TRIM59: variants seen among roughly 807,000 people sequenced by gnomAD.
TRIM59 encodes tripartite motif-containing protein 59.
Under a neutral mutation model 32.2 loss-of-function variants are expected in TRIM59, and 14 were observed. That is an observed-to-expected ratio of 0.43 (90% CI 0.29 to 0.68). TRIM59 has a LOEUF of 0.68. Among genes scored for constraint, TRIM59 ranks in the 30% least tolerant of loss-of-function variants. The pLI is 0.15. For synonymous variants in TRIM59, 163 were observed against 155.1 expected, an observed-to-expected ratio of 1.05 and a Z score of -0.38; for missense variants, 471 against 463.3, an observed-to-expected ratio of 1.02 and a Z score of -0.15.
intron 2 of TRIM59, among the ~76,000 whole-genome samples, chr3:160,441,143 A>C (rs1256111604): frequency 6.6e-6 from 1 of 152,176 alleles, no homozygotes; most frequent in Non-Finnish European, 1.5e-5. Context: ...GTCCCCTGTT[A>C]TTCTCATTAA....
At chr3:160,442,912 G>A (rs1316203226) in intron 2 of TRIM59, among the ~76,000 whole-genome samples, 2 of 152,170 alleles carry the variant, frequency 1.3e-5, no homozygotes, top group Non-Finnish European at 2.9e-5. Flanking sequence ...GAAGCCAGGA[G>A]TTCAAGACCA....
Position 160,438,597 on chromosome 3 carries a change from A to G in TRIM59, c.587T>C (p.Leu196Ser), listed in dbSNP as rs202156882. 3 of 1,611,650 alleles carry G rather than the reference A, an allele frequency of 1.9e-6. No homozygotes were observed. The highest frequency in any genetic ancestry group is 2.5e-6 in the Non-Finnish European group (3 of 1,179,480). ...LQYFKELNDT[L>S]EQKKKSFLTA... ...TAGGAAACTTTTTTTTTTCTGTTCT[A>G]ATGTATCATTAAGCTCCTTAAAATA... Residue 196 changes from leucine (L) to serine (S), a missense_variant, in exon 3 of 3, where the codon TTA (leucine) becomes TCA (serine). Coordinates refer to ENST00000309784, the MANE Select transcript of TRIM59 (RefSeq NM_173084.3).
chr3:160,440,076 T>C (rs1719163849), intron 2 of TRIM59, among the ~76,000 whole-genome samples: 1 of 152,230 alleles, frequency 6.6e-6, no homozygotes, highest in South Asian at 2.1e-4. Context: ...TTCTCCACAG[T>C]AACTGTTACT....
Position 160,437,733 on chromosome 3 carries a change from TA to T in TRIM59, c.*238del, listed in dbSNP as rs1361221548. 10 of 1,152,410 alleles carry T rather than the reference TA, an allele frequency of 8.7e-6. No homozygotes were observed. In the African/African-American group the frequency reaches 1.4e-4, roughly 17 times the overall value. 71.4% of individuals were successfully genotyped at this position (1,152,410 alleles called of 1,614,324 possible). A position where few individuals can be genotyped will look rare whatever the true frequency, so the allele number is the denominator to read the frequency against. The stretch of plus-strand genomic sequence containing the variant: ...ATTATGTCAACCATCATAAAGCCAA[TA>T]AAAATGGGATAGTGTATTACTTTTC... On this transcript the variant is annotated 3_prime_UTR_variant, in exon 3 of 3. Transcript: ENST00000309784.
rs1180821970 is a variant in TRIM59 at position 160,448,809 on chromosome 3, A to C, written c.-73-14T>G. On this transcript the variant is annotated splice_polypyrimidine_tract_variant and intron_variant, in intron 1 of 2. Coordinates refer to ENST00000309784, the MANE Select transcript of TRIM59 (RefSeq NM_173084.3). ...TTTATTCTTATTCTAAAATTAAAAT[A>C]ATGTTATCTTTAATGTTTTCAATTT... 2.5e-6 allele frequency: 3 copies of C among 1,197,856 alleles called. No homozygotes were observed. In the South Asian group the frequency reaches 4.1e-5, roughly 16 times the overall value. 74.2% of individuals were successfully genotyped at this position (1,197,856 alleles called of 1,614,324 possible). A position where few individuals can be genotyped will look rare whatever the true frequency, so the allele number is the denominator to read the frequency against.
intron 2 of TRIM59, among the ~76,000 whole-genome samples, chr3:160,441,683 G>C (rs1189199835): frequency 1.3e-5 from 2 of 150,694 alleles, no homozygotes; most frequent in African/African-American, 4.9e-5. Flanking sequence ...CAACCCGGGA[G>C]GCAGAGCTTG....
rs917553077 is a variant in TRIM59, at chr3:160,448,769, A to T, written c.-47T>A. The stretch of plus-strand genomic sequence containing the variant: ...TGGGGGCTGAATACACTCTTCTCCA[A>T]CTCCTCCAGAATCTTTTATTCTTAT... On this transcript the variant is annotated 5_prime_UTR_variant, in exon 2 of 3. The change creates a new upstream start codon in the 5' untranslated region. Transcript: ENST00000309784. 7.8e-7 allele frequency: 1 copy of T among 1,276,512 alleles called. No homozygotes were observed. Among genetic ancestry groups the T allele is most frequent in the Admixed American group, 2.4e-5 (1 of 41,920 alleles). The allele number at this position is 1,276,512 out of a possible 1,614,324, so 79.1% of individuals were successfully genotyped here.
chr3:160,436,008 G>C lies in TRIM59; in HGVS notation c.*1964C>G. On this transcript the variant is annotated 3_prime_UTR_variant, in exon 3 of 3. Coordinates refer to ENST00000309784, the MANE Select transcript of TRIM59 (RefSeq NM_173084.3). ...TTTGAAACTACAGGGCACTTTTATG[G>C]TGTGACTAGTATTTTAAGTAATCAG... is the stretch of plus-strand genomic sequence containing the variant. The C allele has an allele frequency of 8.1e-7, 1 of 1,239,148 alleles. No individual in the cohort carries two copies. Among genetic ancestry groups the C allele is most frequent in the Non-Finnish European group, 1.0e-6 (1 of 966,668 alleles). 76.8% of individuals were successfully genotyped at this position (1,239,148 alleles called of 1,614,324 possible). A position where few individuals can be genotyped will look rare whatever the true frequency, so the allele number is the denominator to read the frequency against.
rs752072324 is a variant in TRIM59 at position 160,448,747 on chromosome 3, G to A, written c.-25C>T. 193 of 1,279,682 alleles carry A rather than the reference G, an allele frequency of 1.5e-4. No individual in the cohort carries two copies. The highest frequency in any genetic ancestry group is 1.7e-4 in the Non-Finnish European group (167 of 984,368). 79.3% of individuals were successfully genotyped at this position (1,279,682 alleles called of 1,614,324 possible). A position where few individuals can be genotyped will look rare whatever the true frequency, so the allele number is the denominator to read the frequency against. On this transcript the variant is annotated 5_prime_UTR_variant, in exon 2 of 3. Transcript: ENST00000309784. ...CTACTTTGTTGATCTCGTGGTTTGG[G>A]GGCTGAATACACTCTTCTCCAACTC...
At position 160,436,892 on chromosome 3, in the gene TRIM59, T is replaced by C. The variant is rs114692699; in HGVS notation, c.*1080A>G. 21,122 of 983,608 alleles carry C rather than the reference T, an allele frequency of 0.021. 248 individuals are homozygous for C. The highest frequency in any genetic ancestry group is 0.024 in the Middle Eastern group (46 of 1,916). The allele number at this position is 983,608 out of a possible 1,614,324, so 60.9% of individuals were successfully genotyped here. Reference sequence around the variant, plus strand: ...GGTAGAAAATTTAAATGAGTTAAGATGAATAAAGTCCACATGATGCCATCA... The same window carrying C: ...GGTAGAAAATTTAAATGAGTTAAGACGAATAAAGTCCACATGATGCCATCA... On this transcript the variant is annotated 3_prime_UTR_variant, in exon 3 of 3. Coordinates refer to ENST00000309784, the MANE Select transcript of TRIM59 (RefSeq NM_173084.3).
Position 160,436,204 on chromosome 3 carries a change from G to T in TRIM59, c.*1768C>A. The T allele has an allele frequency of 1.0e-6, 1 of 998,494 alleles. No homozygotes were observed. Among genetic ancestry groups the T allele is most frequent in the Non-Finnish European group, 1.2e-6 (1 of 837,718 alleles). 61.9% of individuals were successfully genotyped at this position (998,494 alleles called of 1,614,324 possible). ...TAGTGTTAAGACTTATTCTCAGCAGGTAAGAGTTTTAGAACTAGTTCCCTG... is the reference window on the plus strand; with the variant it reads ...TAGTGTTAAGACTTATTCTCAGCAGTTAAGAGTTTTAGAACTAGTTCCCTG... On this transcript the variant is annotated 3_prime_UTR_variant, in exon 3 of 3. Transcript: ENST00000309784.
rs1218970284 is a variant in TRIM59 at position 160,437,424 on chromosome 3, G to C, written c.*548C>G. 1 of 985,246 alleles carries C rather than the reference G, an allele frequency of 1.0e-6. No homozygotes were observed. The highest frequency in any genetic ancestry group is 1.7e-5 in the African/African-American group (1 of 57,214). 61.0% of individuals were successfully genotyped at this position (985,246 alleles called of 1,614,324 possible). A position where few individuals can be genotyped will look rare whatever the true frequency, so the allele number is the denominator to read the frequency against. Reference sequence around the variant, plus strand: ...AGCAATAGTTTTATTTGGAGTGAATGGTGATAAGCATTTAGGGCTCTTAAA... The same window carrying C: ...AGCAATAGTTTTATTTGGAGTGAATCGTGATAAGCATTTAGGGCTCTTAAA... On this transcript the variant is annotated 3_prime_UTR_variant, in exon 3 of 3. Coordinates refer to ENST00000309784, the MANE Select transcript of TRIM59 (RefSeq NM_173084.3).
In TRIM59 at chr3:160,438,788, A is replaced by T. The variant is rs1413316524; in HGVS notation, c.396T>A (p.Asp132Glu). 9 of 1,613,884 alleles carry T rather than the reference A, an allele frequency of 5.6e-6. No individual in the cohort carries two copies. Among genetic ancestry groups the T allele is most frequent in the East Asian group, 4.5e-5 (2 of 44,876 alleles). Residue 132 changes from aspartate to glutamate, a missense_variant, in exon 3 of 3, where the codon GAT becomes GAA. Transcript: ENST00000309784. Reference protein sequence around the residue: ...TIGQHHGHPIDDLQSAYLKEK... With the variant: ...TIGQHHGHPIEDLQSAYLKEK... ...CTTTCAAATAGGCACTTTGAAGGTC[A>T]TCTATAGGATGACCATGATGTTGAC...
Position 160,435,940 on chromosome 3 carries a change from G to A in TRIM59, c.*2032C>T. ...ATTCACATCACAGAAATGAGATTAA[G>A]TAGTTTAACACATAATGGCTAACAT... On this transcript the variant is annotated 3_prime_UTR_variant, in exon 3 of 3. Coordinates refer to ENST00000309784, the MANE Select transcript of TRIM59 (RefSeq NM_173084.3). The A allele has an allele frequency of 4.7e-6, 6 of 1,284,668 alleles. No homozygotes were observed. The highest frequency in any genetic ancestry group is 6.1e-6 in the Non-Finnish European group (6 of 986,510). 79.6% of individuals were successfully genotyped at this position (1,284,668 alleles called of 1,614,324 possible). A position where few individuals can be genotyped will look rare whatever the true frequency, so the allele number is the denominator to read the frequency against.
chr3:160,438,510 A>C lies in TRIM59; in HGVS notation c.674T>G (p.Met225Arg). ...NQEYTPQIER[M>R]KEIREQQLEL... ...AAGCTGCTGCTCTCGTATTTCCTTC[A>C]TTCTTTCAATTTGTGGAGTATATTC... Residue 225 changes from methionine (M) to arginine (R), a missense_variant, in exon 3 of 3, where the codon ATG (methionine) becomes AGG (arginine). By Grantham distance (91) the Met-to-Arg change is moderately conservative. Coordinates refer to ENST00000309784, the MANE Select transcript of TRIM59 (RefSeq NM_173084.3). 1 of 1,612,222 alleles carries C rather than the reference A, an allele frequency of 6.2e-7. No individual in the cohort carries two copies. Among genetic ancestry groups the C allele is most frequent in the Non-Finnish European group, 8.5e-7 (1 of 1,179,598 alleles).
At position 160,437,101 on chromosome 3, in the gene TRIM59, C is replaced by T. The variant is rs1341898360; in HGVS notation, c.*871G>A. The stretch of plus-strand genomic sequence containing the variant: ...ACAGTGTGGCTAACGTCTGTAATCC[C>T]AGCACTTTGGGAGGCCAAGGTGGGC... On this transcript the variant is annotated 3_prime_UTR_variant, in exon 3 of 3. Transcript: ENST00000309784. The T allele has an allele frequency of 1.6e-5, 16 of 981,522 alleles. No individual in the cohort carries two copies. The highest frequency in any genetic ancestry group is 1.8e-5 in the Non-Finnish European group (15 of 826,528). 60.8% of individuals were successfully genotyped at this position (981,522 alleles called of 1,614,324 possible).
chr3:160,448,007 G>A (rs1719621479), intron 2 of TRIM59, among the ~76,000 whole-genome samples: 1 of 152,032 alleles, frequency 6.6e-6, no homozygotes, highest in Admixed American at 6.6e-5. Context: ...TACAAAAATA[G>A]TGAGAGATCA....
chr3:160,446,468 TAATTC>T (rs1164458982), intron 2 of TRIM59, among the ~76,000 whole-genome samples: 21 of 152,132 alleles, frequency 1.4e-4, no homozygotes, highest in Non-Finnish European at 3.1e-4. Flanking sequence ...AATACAAAGT[TAATTC>T]AATAACGAAA....
Position 160,449,749 on chromosome 3 carries a change from G to A in TRIM59, c.-106C>T, listed in dbSNP as rs541187342. 1.7e-5 allele frequency: 22 copies of A among 1,288,002 alleles called. No individual in the cohort carries two copies. In the African/African-American group the frequency reaches 3.3e-4, roughly 20 times the overall value. 79.8% of individuals were successfully genotyped at this position (1,288,002 alleles called of 1,614,324 possible). ...AGGAAGCGGACCAGGCAACTCCACA[G>A]CACGGAAACACAGCGCCACGAGCTC... On this transcript the variant is annotated 5_prime_UTR_variant, in exon 1 of 3. Coordinates refer to ENST00000309784, the MANE Select transcript of TRIM59 (RefSeq NM_173084.3).
Sources: allele counts gnomAD v4.1 joint callset (sites outside exome capture counted in the v4.1 genomes callset), GRCh38; gene constraint gnomAD v4.1.1; transcripts MANE v1.5; gene names NCBI Gene and HGNC (gene_info 2026-07-23, HGNC 2026-07-21).